ELP2: variants seen among roughly 807,000 people sequenced by gnomAD.
The protein encoded by ELP2 is elongator acetyltransferase complex subunit 2.
Under a neutral mutation model 119.2 loss-of-function variants are expected in ELP2, and 90 were observed. The observed-to-expected ratio is 0.75, with a 90% CI of 0.64 to 0.90. The LOEUF (loss-of-function observed/expected upper bound fraction) is 0.90. ELP2 is among the 40% of genes least tolerant of loss of function. The probability of loss-of-function intolerance (pLI) is 0.00; values close to 1 mark genes in which losing one functional copy is unlikely to be tolerated. For missense variants in ELP2, 921 were observed against 967.8 expected (o/e 0.95, Z 0.64); for synonymous variants, 339 against 331.0 (o/e 1.02, Z -0.26).
rs746449642 is a variant in ELP2 at position 36,174,673 on chromosome 18, G to A, written c.*32G>A. ...TAATAACTACATGCTTGCAGTCACT[G>A]GTATCTTAAAATATTATCATGTAAA... On this transcript the variant is annotated 3_prime_UTR_variant, in exon 22 of 22. Transcript: ENST00000358232. 11 of 1,604,092 alleles carry A rather than the reference G, an allele frequency of 6.9e-6. No homozygotes were observed. The Admixed American group carries it at 1.7e-4, about 24-fold the overall frequency.
chr18:36,160,015 T>C lies in ELP2; in HGVS notation c.1688T>C (p.Leu563Pro), dbSNP rs867553943. The C allele has an allele frequency of 1.1e-5, 17 of 1,613,778 alleles. No homozygotes were observed. The highest frequency in any genetic ancestry group is 1.3e-5 in the Non-Finnish European group (15 of 1,179,916). ...QNTLWPEVQK[L>P]YGHGYEIFCV... ...ACTTTGTGGCCTGAAGTTCAAAAAC[T>C]GTAAGTTAAACTGTATTTAGCTCTT... Residue 563 changes from leucine to proline, a missense_variant and splice_region_variant, in exon 16 of 22, where the codon CTA (leucine) becomes CCA (proline). Leu to Pro is a moderately conservative substitution (Grantham distance 98). Transcript: ENST00000358232.
chr18:36,164,439 A>G (rs1313468506), intron 17 of ELP2, 36 bp from the exon 18 acceptor site: 12 of 1,567,996 alleles, frequency 7.7e-6, no homozygotes, highest in Non-Finnish European at 1.1e-5. Context: ...GTTTATTTTT[A>G]CTTACTAGCT....
chr18:36,142,798 A>G (rs2090074377), intron 7 of ELP2, 28 bp from the exon 8 acceptor site: 3 of 1,498,022 alleles, frequency 2.0e-6, no homozygotes, highest in African/African-American at 1.4e-5. Flanking sequence ...TAATGTTTTA[A>G]AATTAATACA....
Position 36,164,384 on chromosome 18 carries a change from A to G in ELP2, c.1762-91A>G, listed in dbSNP as rs149728092. 87 of 1,236,088 alleles carry G rather than the reference A, an allele frequency of 7.0e-5. No individual in the cohort carries two copies. In the African/African-American group the frequency reaches 1.2e-3, roughly 18 times the overall value. The allele number at this position is 1,236,088 out of a possible 1,614,324, so 76.6% of individuals were successfully genotyped here. ...TGGAATTCAAACAGATAAATAAAATATACTCATAGAAACAATGTGTTGTTT... is the reference window on the plus strand; with the variant it reads ...TGGAATTCAAACAGATAAATAAAATGTACTCATAGAAACAATGTGTTGTTT... On this transcript the variant is annotated intron_variant, in intron 17 of 21. Transcript: ENST00000358232.
chr18:36,150,109 C>T (rs551608450), intron 11 of ELP2, among the ~76,000 whole-genome samples: 1 of 152,296 alleles, frequency 6.6e-6, no homozygotes, highest in African/African-American at 2.4e-5. Flanking sequence ...CCCAGGTCTA[C>T]TAGCATCAGT....
intron 5 of ELP2, among the ~76,000 whole-genome samples, chr18:36,140,059 G>A (rs188283297): frequency 1.1e-3 from 167 of 152,166 alleles, no homozygotes; most frequent in South Asian, 5.0e-3. Context: ...GCCCAGGCTG[G>A]TCTTGGACTC....
At chr18:36,135,961 A>G (rs1466493302) in intron 2 of ELP2, among the ~76,000 whole-genome samples, 1 of 152,234 alleles carries the variant, frequency 6.6e-6, no homozygotes, top group Non-Finnish European at 1.5e-5. Context: ...ACATTTTAAT[A>G]TGGACTGTAT....
chr18:36,138,757 GTAGT>G, intron 4 of ELP2, 34 bp from the exon 5 acceptor site: 1 of 1,507,752 alleles, frequency 6.6e-7, no homozygotes, highest in Non-Finnish European at 9.2e-7. Context: ...AAGCTCTGAG[GTAGT>G]TAGTTGTTCA....
In ELP2 at chr18:36,142,926, C is replaced by G. The variant is rs2090080773; in HGVS notation, c.756C>G (p.Asn252Lys). 6.3e-7 allele frequency: 1 copy of G among 1,592,490 alleles called. No individual in the cohort carries two copies. The highest frequency in any genetic ancestry group is 1.3e-5 in the African/African-American group (1 of 74,150). ...STSLETQDDD[N>K]IRLKENTFTI... is the part of the protein sequence containing the mutation. ...CTTTAGAAACTCAGGATGACGATAACATAAGACTGAAAGAAAATACTTTTA... is the reference window on the plus strand; with the variant it reads ...CTTTAGAAACTCAGGATGACGATAAGATAAGACTGAAAGAAAATACTTTTA... The change falls in exon 8 of 22, where the codon AAC (asparagine) becomes AAG (lysine). Residue 252 changes from asparagine to lysine, a missense_variant. Asn to Lys is a moderately conservative substitution (Grantham distance 94, BLOSUM62 0). Transcript: ENST00000358232.
intron 18 of ELP2, chr18:36,165,309 G>A (rs2090862878): frequency 6.6e-6 from 1 of 152,000 alleles, no homozygotes; most frequent in Non-Finnish European, 1.5e-5. Context: ...AAACCTTTGT[G>A]TAGTTGGGTC....
At chr18:36,144,549 C>T (rs2090138038) in intron 8 of ELP2, among the ~76,000 whole-genome samples, 1 of 152,112 alleles carries the variant, frequency 6.6e-6, no homozygotes, top group Non-Finnish European at 1.5e-5. Flanking sequence ...GGTGAGGACA[C>T]AGAGCCAAAC....
intron 11 of ELP2, among the ~76,000 whole-genome samples, chr18:36,152,405 G>A (rs768780836): frequency 6.6e-6 from 1 of 152,112 alleles, no homozygotes; most frequent in South Asian, 2.1e-4. Context: ...CTTCTTGAAC[G>A]GTTTATTGAT....
At chr18:36,173,311 T>C (rs1021889070) in intron 21 of ELP2, among the ~76,000 whole-genome samples, 7 of 152,244 alleles carry the variant, frequency 4.6e-5, no homozygotes, top group African/African-American at 1.4e-4. Context: ...AGAACTAGCT[T>C]ACTAATGATG....
intron 5 of ELP2, chr18:36,139,578 A>G (rs1474126981): frequency 6.5e-7 from 1 of 1,535,160 alleles, no homozygotes. Flanking sequence ...TGGCATCATA[A>G]CAGAATTTCA....
At chr18:36,155,939 C>T (rs980502160) in intron 12 of ELP2, among the ~76,000 whole-genome samples, 4 of 152,144 alleles carry the variant, frequency 2.6e-5, no homozygotes, top group African/African-American at 9.7e-5. Context: ...AAGGAGTTTA[C>T]CATCTAGCTG....
Position 36,174,623 on chromosome 18 carries a change from CAAT to C in ELP2, c.2466_2468del (p.Asn822del), listed in dbSNP as rs749494638. 2 of 1,614,014 alleles carry C rather than the reference CAAT, an allele frequency of 1.2e-6. No individual in the cohort carries two copies. The highest frequency in any genetic ancestry group is 1.7e-6 in the Non-Finnish European group (2 of 1,179,952). ...ATCACACTGTGAAGATACACAGAGT[CAAT>C]AAATGTGCACTGTAATGGACTTAAT... On this transcript the variant is annotated inframe_deletion, in exon 22 of 22. Coordinates refer to ENST00000358232, the MANE Select transcript of ELP2 (RefSeq NM_018255.4).
At chr18:36,162,051 T>G (rs1280758841) in intron 17 of ELP2, among the ~76,000 whole-genome samples, 1 of 150,980 alleles carries the variant, frequency 6.6e-6, no homozygotes, top group Non-Finnish European at 1.5e-5. Flanking sequence ...ACAGCTTTAT[T>G]TAGGGTTATT....
At chr18:36,133,979 G>A (rs1000791246) in intron 2 of ELP2, among the ~76,000 whole-genome samples, 2 of 134,830 alleles carry the variant, frequency 1.5e-5, no homozygotes, top group Non-Finnish European at 3.0e-5. Flanking sequence ...GCAAGATCTC[G>A]GCTCACTGCG....
intron 1 of ELP2, among the ~76,000 whole-genome samples, 167 bp from the exon 2 acceptor site, chr18:36,133,071 A>G (rs1598731402): frequency 6.6e-6 from 1 of 152,198 alleles, no homozygotes; most frequent in Non-Finnish European, 1.5e-5. Context: ...AGAGGAATGG[A>G]TGACTTAAGC....
Sources: allele counts gnomAD v4.1 joint callset (sites outside exome capture counted in the v4.1 genomes callset), GRCh38; gene constraint gnomAD v4.1.1; transcripts MANE v1.5; gene names NCBI Gene and HGNC (gene_info 2026-07-23, HGNC 2026-07-21).